Variants in PDE5A observed in about 807,000 individuals in gnomAD.
The protein encoded by PDE5A is cGMP-specific 3',5'-cyclic phosphodiesterase.
Under a neutral mutation model 110.2 loss-of-function variants are expected in PDE5A, and 67 were observed. That is an observed-to-expected ratio of 0.61 (90% CI 0.50 to 0.75). The LOEUF (loss-of-function observed/expected upper bound fraction) is 0.75, where lower values mean the gene tolerates loss of function less well. PDE5A is among the 30% of genes least tolerant of loss of function. The probability of loss-of-function intolerance (pLI) is 0.00; values close to 1 mark genes in which losing one functional copy is unlikely to be tolerated. For synonymous variants in PDE5A, 328 were observed against 351.2 expected (o/e 0.93, Z 0.74); for missense variants, 862 against 1,045.1 (o/e 0.82, Z 2.42).
intron 1 of PDE5A, among the ~76,000 whole-genome samples, chr4:119,618,616 A>T (rs1455968203): frequency 6.6e-6 from 1 of 152,154 alleles, no homozygotes; most frequent in African/African-American, 2.4e-5. Context: ...AGTACTACTT[A>T]GAGACTTTTT....
chr4:119,538,775 A>C (rs1726816597), intron 11 of PDE5A, 185 bp downstream of exon 11: 1 of 553,740 alleles, frequency 1.8e-6, no homozygotes, highest in African/African-American at 1.9e-5. Context: ...AGAATCATAC[A>C]CTATATTACA....
chr4:119,616,376 C>T (rs1180144805), intron 1 of PDE5A, among the ~76,000 whole-genome samples: 4 of 152,088 alleles, frequency 2.6e-5, no homozygotes, highest in African/African-American at 9.7e-5. Flanking sequence ...CTTTTGAGCT[C>T]TTGTCATAAA....
chr4:119,613,142 T>C (rs1729814887), intron 1 of PDE5A, among the ~76,000 whole-genome samples: 1 of 152,218 alleles, frequency 6.6e-6, no homozygotes, highest in Admixed American at 6.5e-5. Flanking sequence ...AAGCCAAACA[T>C]GAACTGAAGA....
chr4:119,531,430 C>T (rs1726537101), intron 11 of PDE5A, among the ~76,000 whole-genome samples: 1 of 152,038 alleles, frequency 6.6e-6, no homozygotes, highest in African/African-American at 2.4e-5. Context: ...AGATGCATGC[C>T]ACCACGCTAG....
chr4:119,520,795 A>G, intron 13 of PDE5A, 140 bp downstream of exon 13: 2 of 702,496 alleles, frequency 2.8e-6, no homozygotes, highest in Non-Finnish European at 2.2e-6. Context: ...TTAATTAACG[A>G]AATATAACTT....
chr4:119,595,503 T>C (rs1032321134), intron 3 of PDE5A, among the ~76,000 whole-genome samples: 1 of 152,172 alleles, frequency 6.6e-6, no homozygotes, highest in East Asian at 1.9e-4. Flanking sequence ...CCCTCACCAA[T>C]GTAGGTGGGC....
intron 2 of PDE5A, among the ~76,000 whole-genome samples, chr4:119,603,382 ACATACAT>A (rs1164848914): frequency 5.6e-4 from 66 of 118,314 alleles, no homozygotes; most frequent in African/African-American, 2.4e-3. Context: ...ATAAATACAT[ACATACAT>A]ACATACATAC....
chr4:119,589,489 G>C lies in PDE5A; in HGVS notation c.831+7034C>G, dbSNP rs115915735. Among the ~76,000 whole-genome samples the C allele has an allele frequency of 7.4e-3, 1,127 of 152,182 alleles. 14 individuals are homozygous for C. Among genetic ancestry groups the C allele is most frequent in the African/African-American group, 0.026 (1,059 of 41,524 alleles). ...CTTTACTAAACAAAAAAAGAATTCT[G>C]TCTGGTTATAGAAATAATTAATACA... On this transcript the variant is annotated intron_variant, in intron 3 of 20. Transcript: ENST00000354960.
intron 14 of PDE5A, among the ~76,000 whole-genome samples, chr4:119,515,195 C>T (rs1725869400): frequency 6.6e-6 from 1 of 152,200 alleles, no homozygotes; most frequent in African/African-American, 2.4e-5. Flanking sequence ...AGATCTCCAA[C>T]CTGACCAGAG....
intron 2 of PDE5A, among the ~76,000 whole-genome samples, chr4:119,601,719 G>A (rs1195290794): frequency 2.0e-5 from 3 of 152,074 alleles, no homozygotes; most frequent in Non-Finnish European, 4.4e-5. Context: ...TAACATGTAG[G>A]GTCAGTGCTA....
At chr4:119,613,525 A>G (rs1729830032) in intron 1 of PDE5A, among the ~76,000 whole-genome samples, 2 of 152,146 alleles carry the variant, frequency 1.3e-5, no homozygotes, top group Non-Finnish European at 2.9e-5. Flanking sequence ...GAAGTTATAT[A>G]CATATTGGAT....
chr4:119,602,672 A>T (rs1729386398), intron 2 of PDE5A, among the ~76,000 whole-genome samples: 1 of 152,248 alleles, frequency 6.6e-6, no homozygotes, highest in Non-Finnish European at 1.5e-5. Flanking sequence ...TCTGAAATTC[A>T]GTTGAAACAA....
At chr4:119,612,633 AGAGGGCCCTTATAAGGGGCCTATGG>A (rs1729796948) in intron 1 of PDE5A, among the ~76,000 whole-genome samples, 1 of 152,206 alleles carries the variant, frequency 6.6e-6, no homozygotes, top group African/African-American at 2.4e-5. Flanking sequence ...ACAACCTATT[AGAGGGCCCTTATAAGGGGCCTATGG>A]GAGCTTGTTA....
intron 9 of PDE5A, among the ~76,000 whole-genome samples, chr4:119,551,459 T>G (rs182979294): frequency 6.6e-6 from 1 of 152,200 alleles, no homozygotes; most frequent in Non-Finnish European, 1.5e-5. Flanking sequence ...GCTAAGCTGA[T>G]GTATTCCTTT....
At chr4:119,514,070 G>T (rs2110464266) in intron 14 of PDE5A, among the ~76,000 whole-genome samples, 1 of 152,182 alleles carries the variant, frequency 6.6e-6, no homozygotes, top group South Asian at 2.1e-4. Flanking sequence ...GCATCAGAAG[G>T]ACCCATTTAA....
At position 119,507,695 on chromosome 4, in the gene PDE5A, T is replaced by A. The variant is rs1365752929; in HGVS notation, c.2098A>T (p.Ile700Phe). The A allele has an allele frequency of 6.3e-7, 1 of 1,580,332 alleles. No homozygotes were observed. Among genetic ancestry groups the A allele is most frequent in the Admixed American group, 2.0e-5 (1 of 50,824 alleles). The part of the protein sequence containing the change: ...LMILNSPGNQ[I>F]LSGLSIEEYK... ...TCTTCAATGGAGAGGCCACTGAGAA[T>A]CTGATTGCCCTTTATAAAAAAAGAA... The change falls in exon 16 of 21, where the codon ATT becomes TTT. Residue 700 changes from isoleucine (I) to phenylalanine (F), a missense_variant. Coordinates refer to ENST00000354960, the MANE Select transcript of PDE5A (RefSeq NM_001083.4).
chr4:119,554,840 G>A (rs1274639998), intron 7 of PDE5A, among the ~76,000 whole-genome samples: 1 of 152,134 alleles, frequency 6.6e-6, no homozygotes, highest in African/African-American at 2.4e-5. Flanking sequence ...GTAATATAGA[G>A]TGGATGTGCA....
At chr4:119,555,254 G>A (rs1001035912) in intron 7 of PDE5A, among the ~76,000 whole-genome samples, 5 of 152,138 alleles carry the variant, frequency 3.3e-5, no homozygotes, top group African/African-American at 1.2e-4. Context: ...GAATGAAAAG[G>A]AAATGACAGA....
intron 11 of PDE5A, among the ~76,000 whole-genome samples, chr4:119,533,652 C>T (rs2622495): frequency 0.043 from 6,484 of 152,042 alleles, 172 homozygotes; most frequent in Middle Eastern, 0.071. Context: ...ATGATTTTTC[C>T]TTTTTTTCTA....
Sources: allele counts gnomAD v4.1 joint callset (sites outside exome capture counted in the v4.1 genomes callset), GRCh38; gene constraint gnomAD v4.1.1; transcripts MANE v1.5; gene names NCBI Gene and HGNC (gene_info 2026-07-23, HGNC 2026-07-21).